The following COL22A1 variants were observed in gnomAD, a reference collection of about 807,000 sequenced individuals.
The protein encoded by COL22A1 is collagen type XXII alpha 1 chain, also known as collagen alpha-1(XXII) chain.
COL22A1 carries 221 observed loss-of-function variants against 248.9 expected under a neutral mutation model. The ratio of observed to expected loss-of-function variants is 0.89; its 90% CI spans 0.80 to 0.99. COL22A1 has a LOEUF of 0.99. Ranked by LOEUF, COL22A1 falls within the 50% of genes least tolerant of loss-of-function variation. The pLI is 0.00. For missense variants in COL22A1, 2,240 were observed against 2,179.0 expected (o/e 1.03, Z -0.56); for synonymous variants, 891 against 793.4 (o/e 1.12, Z -2.07).
intron 12 of COL22A1, among the ~76,000 whole-genome samples, chr8:138,787,446 T>A (rs1176430645): frequency 6.6e-6 from 1 of 152,098 alleles, no homozygotes; most frequent in African/African-American, 2.4e-5. Flanking sequence ...GGAAGGGAGA[T>A]GACACAAGGA....
At chr8:138,637,871 C>T (rs182899401) in intron 47 of COL22A1, among the ~76,000 whole-genome samples, 1 of 152,206 alleles carries the variant, frequency 6.6e-6, no homozygotes, top group East Asian at 1.9e-4. Flanking sequence ...TATTCCATAA[C>T]CATCATCACC....
At chr8:138,655,208 G>C (rs1313268815) in intron 45 of COL22A1, among the ~76,000 whole-genome samples, 1 of 152,076 alleles carries the variant, frequency 6.6e-6, no homozygotes, top group East Asian at 1.9e-4. Flanking sequence ...TTAAATAAGG[G>C]AGGCACATTA....
At chr8:138,690,553 G>A (rs1826758960) in intron 36 of COL22A1, among the ~76,000 whole-genome samples, 1 of 152,056 alleles carries the variant, frequency 6.6e-6, no homozygotes, top group Non-Finnish European at 1.5e-5. Context: ...AGCAAACTAG[G>A]GTGTTGATTC....
Position 138,839,548 on chromosome 8 carries a change from C to T in COL22A1, c.733+4536G>A, listed in dbSNP as rs73366894. ...CACACTGGGCATTTGCAATGTTTAA[C>T]GCAGCCCAAGGCACTCTGCTCCCAC... is the stretch of plus-strand genomic sequence containing the variant. On this transcript the variant is annotated intron_variant, in intron 4 of 64. Coordinates refer to ENST00000303045, the MANE Select transcript of COL22A1 (RefSeq NM_152888.3). Among the ~76,000 whole-genome samples the T allele has an allele frequency of 3.9e-3, 593 of 152,218 alleles. 1 individual carries two copies. Among genetic ancestry groups the T allele is most frequent in the African/African-American group, 0.013 (524 of 41,520 alleles).
At chr8:138,683,205 A>C (rs1224010680) in intron 39 of COL22A1, among the ~76,000 whole-genome samples, 1 of 152,204 alleles carries the variant, frequency 6.6e-6, no homozygotes, top group Non-Finnish European at 1.5e-5. Flanking sequence ...CATGATATGC[A>C]CTGTTGTCAT....
intron 1 of COL22A1, among the ~76,000 whole-genome samples, chr8:138,890,494 G>A (rs1824986872): frequency 6.6e-6 from 1 of 152,032 alleles, no homozygotes; most frequent in South Asian, 2.1e-4. Flanking sequence ...TGTTTCACAT[G>A]CTAGAGTTCA....
intron 1 of COL22A1, among the ~76,000 whole-genome samples, chr8:138,909,117 A>T (rs1815240102): frequency 6.6e-6 from 1 of 152,226 alleles, no homozygotes; most frequent in Non-Finnish European, 1.5e-5. Context: ...ATCACCCTTA[A>T]TGTATAATCA....
At position 138,802,926 on chromosome 8, in the gene COL22A1, T is replaced by G; in HGVS notation, c.1503A>C (p.Ile501=). The change falls in exon 11 of 65, where the codon ATA becomes ATC. Residue 501 remains isoleucine, a synonymous_variant. Transcript: ENST00000303045. ...PMGLPGPKGD[I]GAIGPVGAPG... is the part of the protein sequence containing the mutation. ...GAGCGCCAACCGGCCCAATGGCTCC[T>G]ATGTCTCCCTGAGGGGTTGAGACCA... 1 of 1,613,686 alleles carries G rather than the reference T, an allele frequency of 6.2e-7. No homozygotes were observed. Among genetic ancestry groups the G allele is most frequent in the Non-Finnish European group, 8.5e-7 (1 of 1,179,570 alleles).
intron 30 of COL22A1, among the ~76,000 whole-genome samples, chr8:138,710,606 T>TATATATAG (rs150247137): frequency 0.7 from 103,178 of 147,364 alleles, 36,137 homozygotes; most frequent in East Asian, 0.78. Context: ...TATCTATCTA[T>TATATATAG]CTATATATAT....
At chr8:138,633,348 G>T (rs907553771) in intron 49 of COL22A1, among the ~76,000 whole-genome samples, 1 of 152,144 alleles carries the variant, frequency 6.6e-6, no homozygotes, top group African/African-American at 2.4e-5. Flanking sequence ...ATTGTTTCTG[G>T]GCCTCCAATA....
intron 1 of COL22A1, among the ~76,000 whole-genome samples, chr8:138,893,510 C>A (rs1441948678): frequency 6.6e-6 from 1 of 152,252 alleles, no homozygotes; most frequent in Non-Finnish European, 1.5e-5. Flanking sequence ...ACTTTTATTA[C>A]TTTCCAATCC....
In COL22A1 at chr8:138,660,931, CACAG is replaced by C. The variant is rs1478206115; in HGVS notation, c.3241-455_3241-452del. Among the ~76,000 whole-genome samples the C allele has an allele frequency of 5.4e-5, 8 of 149,278 alleles. No individual in the cohort carries two copies. In the South Asian group the frequency reaches 6.4e-4, roughly 12 times the overall value. ...ACATACACAGACACACACACAGACA[CACAG>C]ACACACACATAAACACACAGACACA... On this transcript the variant is annotated intron_variant, in intron 43 of 64. Transcript: ENST00000303045.
chr8:138,788,397 T>C (rs1388380223), intron 12 of COL22A1, among the ~76,000 whole-genome samples: 2 of 152,164 alleles, frequency 1.3e-5, no homozygotes, highest in African/African-American at 4.8e-5. Context: ...CATTTTATAG[T>C]GAATAGCCTG....
chr8:138,596,404 C>G (rs1279300444), intron 62 of COL22A1, among the ~76,000 whole-genome samples: 1 of 152,192 alleles, frequency 6.6e-6, no homozygotes, highest in Non-Finnish European at 1.5e-5. Flanking sequence ...CTCCAGGAAG[C>G]CTTCATTAAT....
At chr8:138,611,269 C>T (rs1291221225) in intron 56 of COL22A1, among the ~76,000 whole-genome samples, 1 of 152,236 alleles carries the variant, frequency 6.6e-6, no homozygotes, top group Non-Finnish European at 1.5e-5. Context: ...GATTACCTTG[C>T]TGGATTCTTA....
chr8:138,830,782 A>G (rs1043879658), intron 5 of COL22A1, among the ~76,000 whole-genome samples: 3 of 151,990 alleles, frequency 2.0e-5, no homozygotes, highest in Non-Finnish European at 4.4e-5. Context: ...TTAAAGTTCC[A>G]TGTGATTTTT....
chr8:138,669,267 G>C (rs1472039166), intron 41 of COL22A1, among the ~76,000 whole-genome samples: 5 of 152,234 alleles, frequency 3.3e-5, no homozygotes, highest in African/African-American at 1.2e-4. Flanking sequence ...GCAGAGTGAA[G>C]CTGAGCAGGA....
In COL22A1 at chr8:138,910,402, G is replaced by C. The variant is rs143548427; in HGVS notation, c.-73+3217C>G. Among the ~76,000 whole-genome samples, 44 of 152,214 alleles carry C rather than the reference G, an allele frequency of 2.9e-4. 1 individual carries two copies. Among genetic ancestry groups the C allele is most frequent in the East Asian group, 2.3e-3 (12 of 5,172 alleles). Reference sequence around the variant, plus strand: ...TGGATCCTAGGTGGGAAGAGTGAAAGGTCAATCCCTCTGTGTCCTGGTGCC... The same window carrying C: ...TGGATCCTAGGTGGGAAGAGTGAAACGTCAATCCCTCTGTGTCCTGGTGCC... On this transcript the variant is annotated intron_variant, in intron 1 of 64. Coordinates refer to ENST00000303045, the MANE Select transcript of COL22A1 (RefSeq NM_152888.3).
chr8:138,819,558 T>C (rs780452776), intron 7 of COL22A1, among the ~76,000 whole-genome samples: 2 of 148,796 alleles, frequency 1.3e-5, no homozygotes, highest in Admixed American at 6.8e-5. Flanking sequence ...TACCATTATA[T>C]AGATATAAAT....
Sources: gnomAD v4.1 joint callset for allele counts (sites outside exome capture counted in the v4.1 genomes callset) on GRCh38, gnomAD v4.1.1 for gene constraint, MANE v1.5 for transcripts, NCBI Gene and HGNC (gene_info 2026-07-23, HGNC 2026-07-21) for gene names.